Variants in CLMP observed in about 807,000 individuals in gnomAD.
The protein encoded by CLMP is CXADR-like membrane protein.
In CLMP, 27 loss-of-function variants were observed where a neutral mutation model predicts 45.2. That is an observed-to-expected ratio of 0.60 (90% confidence interval 0.44 to 0.82). The LOEUF (loss-of-function observed/expected upper bound fraction) is 0.82. Among genes scored for constraint, CLMP ranks in the 40% least tolerant of loss-of-function variants. CLMP has a pLI of 0.00. For synonymous variants in CLMP, 167 were observed against 171.4 expected (o/e 0.97, Z 0.20); for missense variants, 403 against 448.4 (o/e 0.90, Z 0.91).
chr11:123,156,222 C>A (rs1861412901), intron 1 of CLMP, among the ~76,000 whole-genome samples: 1 of 152,164 alleles, frequency 6.6e-6, no homozygotes, highest in Non-Finnish European at 1.5e-5. Flanking sequence ...CATCCACAAG[C>A]CAGGAAGATA....
chr11:123,079,889 A>G (rs938452965), intron 5 of CLMP, among the ~76,000 whole-genome samples: 1 of 152,250 alleles, frequency 6.6e-6, no homozygotes, highest in Non-Finnish European at 1.5e-5. Context: ...AGTTAAACAG[A>G]TGACCCCAGG....
chr11:123,117,852 GA>G (rs1291532883), intron 1 of CLMP, among the ~76,000 whole-genome samples: 1 of 152,072 alleles, frequency 6.6e-6, no homozygotes, highest in Non-Finnish European at 1.5e-5. Context: ...ATCTTAGCAG[GA>G]AAAAAGGAAT....
At chr11:123,089,788 AAAAAAGAAAAAG>A (rs1160890955) in intron 2 of CLMP, among the ~76,000 whole-genome samples, 1 of 138,976 alleles carries the variant, frequency 7.2e-6, no homozygotes, top group African/African-American at 2.8e-5. Context: ...AAAAAAAAAA[AAAAAAGAAAAAG>A]AAAAAGAAAC....
chr11:123,074,872 A>G, intron 5 of CLMP, 29 bp from the exon 6 acceptor site: 2 of 1,607,548 alleles, frequency 1.2e-6, no homozygotes, highest in Middle Eastern at 1.7e-4. Context: ...AAGCACAAGT[A>G]AAACCAAACG....
chr11:123,141,746 CTT>C (rs1861161969), intron 1 of CLMP, among the ~76,000 whole-genome samples: 1 of 151,858 alleles, frequency 6.6e-6, no homozygotes, highest in East Asian at 1.9e-4. Context: ...ACGATATAAA[CTT>C]AATTAATTTA....
At chr11:123,076,149 ACT>A (rs1441848683) in intron 5 of CLMP, among the ~76,000 whole-genome samples, 8 of 149,684 alleles carry the variant, frequency 5.3e-5, no homozygotes, top group Non-Finnish European at 1.5e-5. Context: ...CTCCATCAAG[ACT>A]CTGTCTCAAA....
At chr11:123,118,103 T>C (rs1392417665) in intron 1 of CLMP, among the ~76,000 whole-genome samples, 1 of 152,070 alleles carries the variant, frequency 6.6e-6, no homozygotes, top group East Asian at 1.9e-4. Context: ...AAACAACCAG[T>C]GTATAGGTTC....
At chr11:123,153,846 CTTT>C (rs60591379) in intron 1 of CLMP, among the ~76,000 whole-genome samples, 143 of 123,886 alleles carry the variant, frequency 1.2e-3, no homozygotes, top group African/African-American at 3.2e-3. Context: ...CCATGCCTCA[CTTT>C]TTTTTTTTTT....
chr11:123,070,190 AAC>A lies in CLMP; in HGVS notation c.*3282_*3283del, dbSNP rs779219608. Reference sequence around the variant, plus strand: ...ATTCCATCTGCATCGTCTTCCTACAAACAGTTTTTCTTCTACTATTCGGTTAT... The same window carrying A: ...ATTCCATCTGCATCGTCTTCCTACAAAGTTTTTCTTCTACTATTCGGTTAT... On this transcript the variant is annotated 3_prime_UTR_variant, in exon 7 of 7. Transcript: ENST00000448775. 2 of 151,538 alleles carry A rather than the reference AAC, an allele frequency of 1.3e-5. No homozygotes were observed. The highest frequency in any genetic ancestry group is 3.0e-5 in the Non-Finnish European group (2 of 67,534). 9.4% of individuals were successfully genotyped at this position (151,538 alleles called of 1,614,324 possible).
intron 1 of CLMP, among the ~76,000 whole-genome samples, chr11:123,168,132 A>G (rs10790558): frequency 0.62 from 94,291 of 151,672 alleles, 30,297 homozygotes; most frequent in African/African-American, 0.77. Flanking sequence ...GATTGGGGTT[A>G]AACATCTGCC....
intron 1 of CLMP, among the ~76,000 whole-genome samples, chr11:123,156,270 A>G (rs924494481): frequency 1.8e-4 from 28 of 152,338 alleles, no homozygotes; most frequent in African/African-American, 6.3e-4. Context: ...CACCTTGCTT[A>G]TGAATTTTAG....
chr11:123,123,987 C>T (rs1012286666), intron 1 of CLMP, among the ~76,000 whole-genome samples: 4 of 152,050 alleles, frequency 2.6e-5, no homozygotes, highest in Non-Finnish European at 5.9e-5. Context: ...GAACTCATTA[C>T]TCAGGGTTAG....
intron 1 of CLMP, among the ~76,000 whole-genome samples, chr11:123,125,704 A>G (rs1050828795): frequency 6.6e-6 from 1 of 151,118 alleles, no homozygotes; most frequent in African/African-American, 2.4e-5. Flanking sequence ...CCCGGGTTCA[A>G]GTGATTCTCC....
At position 123,191,845 on chromosome 11, in the gene CLMP, C is replaced by T. The variant is rs140669138; in HGVS notation, c.28+3068G>A. Among the ~76,000 whole-genome samples the T allele has an allele frequency of 3.6e-3, 544 of 152,344 alleles. 3 individuals are homozygous for T. The highest frequency in any genetic ancestry group is 0.012 in the African/African-American group (497 of 41,570). ...ACATGGTTCACAGGTGAATGAGACA[C>T]TGTCCCTGCCTTCATGGAGCTTCCA... On this transcript the variant is annotated intron_variant, in intron 1 of 6. Transcript: ENST00000448775.
chr11:123,190,350 C>T (rs973514352), intron 1 of CLMP, among the ~76,000 whole-genome samples: 2 of 152,152 alleles, frequency 1.3e-5, no homozygotes, highest in Non-Finnish European at 2.9e-5. Context: ...AATCAATAAG[C>T]AGGGTAACAC....
chr11:123,192,377 G>T (rs1861919562), intron 1 of CLMP, among the ~76,000 whole-genome samples: 1 of 152,148 alleles, frequency 6.6e-6, no homozygotes, highest in Non-Finnish European at 1.5e-5. Context: ...GTACAGACAA[G>T]GGAGTCAGAA....
At chr11:123,114,447 C>CCTCCCTCCGT (rs1860692155) in intron 1 of CLMP, among the ~76,000 whole-genome samples, 1 of 141,308 alleles carries the variant, frequency 7.1e-6, no homozygotes, top group South Asian at 2.3e-4. Context: ...TCCCTCCCTC[C>CCTCCCTCCGT]CTCTCTCCCT....
chr11:123,175,145 C>T (rs1315960486), intron 1 of CLMP, among the ~76,000 whole-genome samples: 1 of 151,976 alleles, frequency 6.6e-6, no homozygotes, highest in Non-Finnish European at 1.5e-5. Flanking sequence ...TTTTAAGAGA[C>T]GGGGTGTATT....
Position 123,071,363 on chromosome 11 carries a change from A to T in CLMP, c.*2111T>A, listed in dbSNP as rs1865670095. The T allele has an allele frequency of 6.6e-6, 1 of 152,208 alleles. No homozygotes were observed. Among genetic ancestry groups the T allele is most frequent in the Non-Finnish European group, 1.5e-5 (1 of 68,116 alleles). 9.4% of individuals were successfully genotyped at this position (152,208 alleles called of 1,614,324 possible). A position where few individuals can be genotyped will look rare whatever the true frequency, so the allele number is the denominator to read the frequency against. ...GGAAGGAGAATCGCTTGAACTCGGG[A>T]GGTGGAGGTCGCAGTGAGCCGAGAT... On this transcript the variant is annotated 3_prime_UTR_variant, in exon 7 of 7. Transcript: ENST00000448775.
Sources: allele counts gnomAD v4.1 joint callset (sites outside exome capture counted in the v4.1 genomes callset), GRCh38; gene constraint gnomAD v4.1.1; transcripts MANE v1.5; gene names NCBI Gene and HGNC (gene_info 2026-07-23, HGNC 2026-07-21).